STK3: variants seen among roughly 807,000 people sequenced by gnomAD.
The protein encoded by STK3 is serine/threonine-protein kinase 3.
Under a neutral mutation model 58.0 loss-of-function variants are expected in STK3, and 41 were observed. That is an observed-to-expected ratio of 0.71 (90% confidence interval 0.55 to 0.92). STK3 has a LOEUF of 0.92. Ranked by LOEUF, STK3 falls within the 40% of genes least tolerant of loss-of-function variation. The probability of loss-of-function intolerance (pLI) is 0.00; values close to 1 mark genes in which losing one functional copy is unlikely to be tolerated. For synonymous variants in STK3, 170 were observed against 191.0 expected (o/e 0.89, Z 0.91); for missense variants, 479 against 602.7 (o/e 0.79, Z 2.15).
intron 6 of STK3, among the ~76,000 whole-genome samples, chr8:98,647,526 A>C (rs571174532): frequency 6.6e-6 from 1 of 152,220 alleles, no homozygotes; most frequent in Non-Finnish European, 1.5e-5. Context: ...ATCTTAAAAT[A>C]CAATAAATAT....
downstream of STK3, among the ~76,000 whole-genome samples, chr8:98,366,263 G>C (rs1413119036): frequency 6.6e-6 from 1 of 152,124 alleles, no homozygotes; most frequent in Non-Finnish European, 1.5e-5. Context: ...AGGTATATTG[G>C]ACATTCAGGG....
chr8:98,428,593 G>A lies in STK3; in HGVS notation n.483+5534C>T, dbSNP rs1818280372. 2 of 1,614,164 alleles carry A rather than the reference G, an allele frequency of 1.2e-6. No individual in the cohort carries two copies. The highest frequency in any genetic ancestry group is 1.7e-6 in the Non-Finnish European group (2 of 1,180,044). ...GTGATGGGGTCCATCATCACCATGT[G>A]CCTCAATAGCCTGCCCGATTTCCAA... is the stretch of plus-strand genomic sequence containing the variant. On this transcript the variant is annotated intron_variant and non_coding_transcript_variant, in intron 3 of 3. Coordinates refer to the STK3 transcript ENST00000517832. The surrounding 1 kb of genome is among the most constrained non-coding windows in gnomAD (Gnocchi z 6.7).
chr8:98,645,979 C>T (rs1169286352), intron 6 of STK3, among the ~76,000 whole-genome samples: 1 of 152,120 alleles, frequency 6.6e-6, no homozygotes, highest in Non-Finnish European at 1.5e-5. Flanking sequence ...TGCTTCACCA[C>T]TTTTCAATGT....
At chr8:98,867,777 C>G (rs2131865995) in intron 3 of STK3, among the ~76,000 whole-genome samples, 1 of 152,308 alleles carries the variant, frequency 6.6e-6, no homozygotes, top group African/African-American at 2.4e-5. Context: ...GAGATAATAA[C>G]AGTACATGCC....
At chr8:98,425,328 GAC>G (rs5893464) in intron 3 of STK3, among the ~76,000 whole-genome samples, 2,322 of 150,830 alleles carry the variant, frequency 0.015, 51 homozygotes, top group African/African-American at 0.047. Flanking sequence ...CTCCCTCTCA[GAC>G]ACACACACAC....
chr8:98,699,935 G>T lies in STK3; in HGVS notation c.684+6532C>A, dbSNP rs919754290. On this transcript the variant is annotated intron_variant, in intron 6 of 10. Coordinates refer to ENST00000419617, the MANE Select transcript of STK3 (RefSeq NM_006281.4). ...ATTTAAGTCTGCAGAGGTTACTGCT[G>T]TCTTTTTGTTTGTCTGTGCCCTGCC... Among the ~76,000 whole-genome samples the T allele has an allele frequency of 3.6e-4, 55 of 152,330 alleles. 1 individual carries two copies. The highest frequency in any genetic ancestry group is 7.2e-4 in the Admixed American group (11 of 15,306).
At chr8:98,372,743 A>C (rs1165601698) in intron 2 of STK3, among the ~76,000 whole-genome samples, 1 of 152,196 alleles carries the variant, frequency 6.6e-6, no homozygotes, top group African/African-American at 2.4e-5. Flanking sequence ...GTGCACCAGG[A>C]GGAGGCAGAG....
chr8:98,414,709 A>G (rs924289384), intron 3 of STK3, among the ~76,000 whole-genome samples: 1 of 152,188 alleles, frequency 6.6e-6, no homozygotes, highest in Non-Finnish European at 1.5e-5. Context: ...TGCAACTAGG[A>G]TTGGTCATGT....
rs747628418 is a variant in STK3, at chr8:98,691,763, C to T, written c.684+14704G>A. Among the ~76,000 whole-genome samples, 40 of 152,034 alleles carry T rather than the reference C, an allele frequency of 2.6e-4. 1 individual carries two copies. Among genetic ancestry groups the T allele is most frequent in the Admixed American group, 6.5e-5 (1 of 15,270 alleles). Reference sequence around the variant, plus strand: ...CCTGGCAAACATGGTGAAACCCCGTCTCTACTAAAAATACAAAAATTAGCT... The same window carrying T: ...CCTGGCAAACATGGTGAAACCCCGTTTCTACTAAAAATACAAAAATTAGCT... On this transcript the variant is annotated intron_variant, in intron 6 of 10. Coordinates refer to ENST00000419617, the MANE Select transcript of STK3 (RefSeq NM_006281.4).
In STK3 at chr8:98,407,714, A is replaced by ATG. The variant is rs6150725; in HGVS notation, n.484-6203_484-6202dup. Among the ~76,000 whole-genome samples the ATG allele has an allele frequency of 9.8e-3, 1,345 of 137,118 alleles. 29 individuals carry two copies. Among genetic ancestry groups the ATG allele is most frequent in the African/African-American group, 0.03 (1,029 of 34,852 alleles). The allele number at this position is 137,118 out of a possible 152,430, so 90.0% of individuals were successfully genotyped here. On this transcript the variant is annotated intron_variant and non_coding_transcript_variant, in intron 3 of 3. Transcript: ENST00000517832. ...CCTTCTAGCCCACTCAGATGAGTGC[A>ATG]TGTGTGTGTGTGTGTGTGTGTGTGT...
chr8:98,651,130 T>A (rs1820883893), intron 6 of STK3, among the ~76,000 whole-genome samples: 1 of 152,152 alleles, frequency 6.6e-6, no homozygotes, highest in African/African-American at 2.4e-5. Flanking sequence ...GGCCGGGTAC[T>A]CCTCTGAGAC....
intron 6 of STK3, among the ~76,000 whole-genome samples, chr8:98,613,153 A>T (rs1817334663): frequency 6.6e-6 from 1 of 152,248 alleles, no homozygotes; most frequent in Admixed American, 6.5e-5. Context: ...GTAGGGCAAC[A>T]GAGACTGAAA....
the STK3 span, among the ~76,000 whole-genome samples, chr8:98,354,945 T>C: frequency 3.7e-4 from 56 of 152,210 alleles, no homozygotes; most frequent in African/African-American, 1.3e-3. Context: ...GCCTGGCTAA[T>C]TTTTGTATTT....
At chr8:98,512,811 G>C (rs1586747534) in intron 10 of STK3, among the ~76,000 whole-genome samples, 2 of 152,182 alleles carry the variant, frequency 1.3e-5, no homozygotes, top group African/African-American at 2.4e-5. Flanking sequence ...TTATTTCCAA[G>C]TCTGGTTATT....
chr8:98,586,414 T>C (rs1293888600), intron 7 of STK3, among the ~76,000 whole-genome samples: 1 of 151,232 alleles, frequency 6.6e-6, no homozygotes, highest in African/African-American at 2.4e-5. Flanking sequence ...GATTTGCATA[T>C]ATTGAACCAG....
intron 6 of STK3, among the ~76,000 whole-genome samples, chr8:98,632,583 C>T (rs1368585175): frequency 1.2e-4 from 19 of 152,124 alleles, no homozygotes; most frequent in Non-Finnish European, 5.9e-5. Flanking sequence ...TTAACAGATT[C>T]TATTGGACAT....
At chr8:98,744,108 T>C (rs913027206) in intron 4 of STK3, among the ~76,000 whole-genome samples, 5 of 152,010 alleles carry the variant, frequency 3.3e-5, no homozygotes, top group East Asian at 1.9e-4. Flanking sequence ...TGTGGAGAAA[T>C]AGGAACACTT....
intron 1 of STK3, among the ~76,000 whole-genome samples, chr8:98,793,861 T>A (rs546582441): frequency 6.7e-6 from 1 of 149,988 alleles, no homozygotes; most frequent in South Asian, 2.1e-4. Flanking sequence ...CAGACCACAG[T>A]GTAATAAAAA....
chr8:98,602,443 A>G (rs970302702), intron 6 of STK3, among the ~76,000 whole-genome samples: 1 of 152,220 alleles, frequency 6.6e-6, no homozygotes, highest in Non-Finnish European at 1.5e-5. Flanking sequence ...CAAATCTGCT[A>G]GCACCTAGAT....
Sources: gnomAD v4.1 joint callset for allele counts (sites outside exome capture counted in the v4.1 genomes callset) on GRCh38, gnomAD v4.1.1 for gene constraint, Gnocchi (gnomAD v3.1) non-coding constraint, MANE v1.5 for transcripts, NCBI Gene and HGNC (gene_info 2026-07-23, HGNC 2026-07-21) for gene names.